TAF4: variants seen among roughly 807,000 people sequenced by gnomAD.
TAF4 encodes the protein TATA-box binding protein associated factor 4.
A neutral mutation model predicts 90.3 loss-of-function variants in TAF4; 9 were observed. The observed-to-expected ratio is 0.10, with a 90% CI of 0.06 to 0.17. The LOEUF (loss-of-function observed/expected upper bound fraction) is 0.17. Ranked by LOEUF, TAF4 falls within the 10% of genes least tolerant of loss-of-function variation. TAF4 has a pLI of 1.00. For synonymous variants in TAF4, 818 were observed against 638.9 expected (o/e 1.28, Z -4.23); for missense variants, 1,351 against 1,370.7 (o/e 0.99, Z 0.23).
intron 1 of TAF4, among the ~76,000 whole-genome samples, chr20:62,033,692 G>A (rs752909448): frequency 1.6e-4 from 24 of 150,574 alleles, no homozygotes; most frequent in East Asian, 3.9e-4. Context: ...AGATGAGATT[G>A]TGCTATTGCA....
At chr20:61,988,727 G>A (rs2055612044) in intron 14 of TAF4, among the ~76,000 whole-genome samples, 1 of 152,092 alleles carries the variant, frequency 6.6e-6, no homozygotes, top group Non-Finnish European at 1.5e-5. Flanking sequence ...CGAAACAACT[G>A]CTCCCCAAAC....
Position 62,006,536 on chromosome 20 carries a change from C to T in TAF4, c.2197G>A (p.Gly733Ser), listed in dbSNP as rs373996575. ...SLTQPTQVGV[G>S]KQGQPTPLVI... The stretch of plus-strand genomic sequence containing the variant: ...AGCGGTGTGGGTTGCCCCTGCTTGC[C>T]GACGCCGACCTGCGTGGGCTGCGTG... Residue 733 changes from glycine (G) to serine (S), a missense_variant, in exon 7 of 15, where the codon GGC becomes AGC. Around this residue, in one of 9 missense-constraint regions of TAF4, gnomAD observed 202 missense variants for 229.7 expected, o/e 0.88. Transcript: ENST00000252996. This position sits in a 1 kb window ranked among gnomAD's most constrained non-coding sequence, Gnocchi z 7.0. 10 of 1,546,614 alleles carry T rather than the reference C, an allele frequency of 6.5e-6. No individual in the cohort carries two copies. The highest frequency in any genetic ancestry group is 1.4e-5 in the African/African-American group (1 of 71,848).
intron 1 of TAF4, among the ~76,000 whole-genome samples, chr20:62,020,348 G>C (rs1053851013): frequency 1.3e-5 from 2 of 152,248 alleles, no homozygotes; most frequent in African/African-American, 4.8e-5. Flanking sequence ...AGGACTCTCT[G>C]GCACAAGCAT....
intron 1 of TAF4, among the ~76,000 whole-genome samples, chr20:62,051,389 G>C (rs555025052): frequency 2.6e-5 from 4 of 152,236 alleles, no homozygotes; most frequent in African/African-American, 7.2e-5. Flanking sequence ...CTACTCTCAG[G>C]CCTCCTCTCA....
intron 1 of TAF4, among the ~76,000 whole-genome samples, chr20:62,015,816 C>G (rs1193157253): frequency 1.3e-5 from 2 of 152,314 alleles, no homozygotes; most frequent in East Asian, 3.9e-4. Flanking sequence ...TCAGGGCTGT[C>G]GGCTCCAGCT....
rs190679819 is a variant in TAF4, at chr20:62,007,401, C to A, written c.1974+146G>T. 508 of 690,502 alleles carry A rather than the reference C, an allele frequency of 7.4e-4. 6 individuals carry two copies. The East Asian group carries it at 0.012, about 17-fold the overall frequency. The allele number at this position is 690,502 out of a possible 1,614,324, so 42.8% of individuals were successfully genotyped here. A position where few individuals can be genotyped will look rare whatever the true frequency, so the allele number is the denominator to read the frequency against. On this transcript the variant is annotated intron_variant, in intron 6 of 14. Coordinates refer to ENST00000252996, the MANE Select transcript of TAF4 (RefSeq NM_003185.4). ...AAAACTAACATTCTGTCCCCAGGCA[C>A]TGAGTCCCCGGCCCCACCCCCGTAG... is the stretch of plus-strand genomic sequence containing the variant.
intron 1 of TAF4, among the ~76,000 whole-genome samples, chr20:62,033,989 C>A (rs2145495786): frequency 6.6e-6 from 1 of 150,682 alleles, no homozygotes; most frequent in Non-Finnish European, 1.5e-5. Flanking sequence ...TTGCAGTGAG[C>A]CAAGACCGCG....
At chr20:62,041,069 G>C (rs953462967) in intron 1 of TAF4, among the ~76,000 whole-genome samples, 8 of 152,230 alleles carry the variant, frequency 5.3e-5, no homozygotes, top group Admixed American at 5.2e-4. Context: ...CCGGACACCA[G>C]GGAGCACACA....
intron 1 of TAF4, among the ~76,000 whole-genome samples, chr20:62,056,552 C>T (rs1600865493): frequency 6.6e-6 from 1 of 152,252 alleles, no homozygotes; most frequent in East Asian, 1.9e-4. Context: ...AGCACCCTGG[C>T]ACAGGGGCCG....
intron 1 of TAF4, among the ~76,000 whole-genome samples, chr20:62,055,299 G>A (rs36183275): frequency 1.1e-3 from 140 of 127,436 alleles, no homozygotes; most frequent in East Asian, 3.2e-3. Flanking sequence ...GCCTGCGGGC[G>A]GTCCTGCAAG....
intron 2 of TAF4, among the ~76,000 whole-genome samples, chr20:62,013,443 G>A (rs879505733): frequency 2.6e-5 from 4 of 152,254 alleles, no homozygotes; most frequent in Non-Finnish European, 4.4e-5. Flanking sequence ...ATGGCAGACT[G>A]CAATGGGATG....
intron 14 of TAF4, among the ~76,000 whole-genome samples, chr20:61,981,805 AAACCCACAC>A (rs2055542929): frequency 7.0e-6 from 1 of 143,086 alleles, no homozygotes; most frequent in Non-Finnish European, 1.5e-5. Context: ...AGGAGACACC[AAACCCACAC>A]AACCCACACC....
At position 62,064,721 on chromosome 20, in the gene TAF4, T is replaced by C. The variant is rs2056112969; in HGVS notation, c.1090A>G (p.Ser364Gly). The change falls in exon 1 of 15, where the codon AGC becomes GGC. Residue 364 changes from serine (S) to glycine (G), a missense_variant. Ser to Gly is a moderately conservative substitution (Grantham distance 56). Transcript: ENST00000252996. Reference sequence around the variant, plus strand: ...CTGGCCGCCGTGCTGGCCGGGCCGCTGGCCGCCAGGGTCTGCGCCGCCGGG... The same window carrying C: ...CTGGCCGCCGTGCTGGCCGGGCCGCCGGCCGCCAGGGTCTGCGCCGCCGGG... ...APPAAQTLAA[S>G]GPASTAASMV... The C allele has an allele frequency of 1.6e-6, 2 of 1,227,214 alleles. No individual in the cohort carries two copies. Among genetic ancestry groups the C allele is most frequent in the African/African-American group, 1.6e-5 (1 of 61,594 alleles). The allele number at this position is 1,227,214 out of a possible 1,614,324, so 76.0% of individuals were successfully genotyped here.
intron 14 of TAF4, among the ~76,000 whole-genome samples, chr20:61,992,199 T>G (rs1264054286): frequency 6.6e-6 from 1 of 151,918 alleles, no homozygotes; most frequent in Non-Finnish European, 1.5e-5. Context: ...GCACTAAAAC[T>G]CAAAGAGGGC....
chr20:62,064,490 G>T lies in TAF4; in HGVS notation c.1321C>A (p.Gln441Lys). ...VLAPRLPQPP[Q>K]NPTNIQNFQL... ...AAGTTCTGGATGTTGGTCGGGTTCT[G>T]AGGCGGCTGCGGCAAGCGGGGGGCC... The change falls in exon 1 of 15, where the codon CAG becomes AAG. Residue 441 changes from glutamine (Q) to lysine (K), a missense_variant. By Grantham distance (53) the Gln-to-Lys change is moderately conservative. Around this residue, in one of 9 missense-constraint regions of TAF4, gnomAD observed 782 missense variants for 536.6 expected, o/e 1.46. Coordinates refer to ENST00000252996, the MANE Select transcript of TAF4 (RefSeq NM_003185.4). 1 of 1,516,814 alleles carries T rather than the reference G, an allele frequency of 6.6e-7. No homozygotes were observed. The highest frequency in any genetic ancestry group is 8.8e-7 in the Non-Finnish European group (1 of 1,133,500). The allele number at this position is 1,516,814 out of a possible 1,614,324, so 94.0% of individuals were successfully genotyped here. A position where few individuals can be genotyped will look rare whatever the true frequency, so the allele number is the denominator to read the frequency against.
chr20:62,008,310 A>C (rs2055759016), intron 5 of TAF4: 1 of 152,448 alleles, frequency 6.6e-6, no homozygotes. Context: ...GACAAGGAGA[A>C]GGCACGGTAA....
chr20:62,001,553 C>T (rs2055703327), intron 9 of TAF4, among the ~76,000 whole-genome samples: 1 of 152,038 alleles, frequency 6.6e-6, no homozygotes, highest in African/African-American at 2.4e-5. Flanking sequence ...AACGTGAGGC[C>T]GGGGGCCTGC....
intron 1 of TAF4, among the ~76,000 whole-genome samples, chr20:62,048,172 T>C (rs1477571420): frequency 1.3e-5 from 2 of 152,230 alleles, no homozygotes; most frequent in Non-Finnish European, 2.9e-5. Context: ...CCTAGCACCT[T>C]CCCACACAGG....
Position 62,006,241 on chromosome 20 carries a change from G to A in TAF4, c.2223+269C>T, listed in dbSNP as rs1250957301. The A allele has an allele frequency of 2.7e-6, 1 of 366,756 alleles. No homozygotes were observed. The highest frequency in any genetic ancestry group is 4.8e-6 in the Non-Finnish European group (1 of 209,984). The allele number at this position is 366,756 out of a possible 1,614,324, so 22.7% of individuals were successfully genotyped here. ...AAGCACGCTGCATTCATTTACACCA[G>A]TAACATCCCCAGACAAGGCAGGGCG... On this transcript the variant is annotated intron_variant, in intron 7 of 14. Coordinates refer to ENST00000252996, the MANE Select transcript of TAF4 (RefSeq NM_003185.4). The surrounding 1 kb of genome is among the most constrained non-coding windows in gnomAD (Gnocchi z 7.0).
Sources: allele counts gnomAD v4.1 joint callset (sites outside exome capture counted in the v4.1 genomes callset), GRCh38; gene constraint gnomAD v4.1.1; regional missense constraint gnomAD v4.1.1; non-coding constraint Gnocchi (gnomAD v3.1); transcripts MANE v1.5; gene names NCBI Gene and HGNC (gene_info 2026-07-23, HGNC 2026-07-21).